The following ZSWIM6 variants were observed in gnomAD, a reference collection of about 807,000 sequenced individuals.
ZSWIM6 encodes zinc finger SWIM domain-containing protein 6.
ZSWIM6 carries 9 observed loss-of-function variants against 113.2 expected under a neutral mutation model. The observed-to-expected ratio is 0.08, with a 90% CI of 0.05 to 0.14. The LOEUF (loss-of-function observed/expected upper bound fraction) is 0.14. Ranked by LOEUF, ZSWIM6 falls within the 10% of genes least tolerant of loss-of-function variation. The pLI, the probability that ZSWIM6 is intolerant of heterozygous loss-of-function variation, is 1.00. For synonymous variants in ZSWIM6, 611 were observed against 606.5 expected, an observed-to-expected ratio of 1.01 and a Z score of -0.11; for missense variants, 1,162 against 1,552.2, an observed-to-expected ratio of 0.75 and a Z score of 4.22.
intron 7 of ZSWIM6, among the ~76,000 whole-genome samples, chr5:61,526,821 T>A (rs1311468280): frequency 6.6e-6 from 1 of 152,186 alleles, no homozygotes; most frequent in Non-Finnish European, 1.5e-5. Context: ...GTCTCTGTGA[T>A]TTTGAATTCT....
intron 1 of ZSWIM6, among the ~76,000 whole-genome samples, chr5:61,411,592 C>T (rs937077805): frequency 2.0e-5 from 3 of 152,174 alleles, no homozygotes; most frequent in Non-Finnish European, 4.4e-5. Flanking sequence ...ACAAAAATAC[C>T]TTTAACCAGT....
intron 1 of ZSWIM6, among the ~76,000 whole-genome samples, chr5:61,342,865 A>C (rs1324429593): frequency 6.6e-6 from 1 of 152,126 alleles, no homozygotes; most frequent in Non-Finnish European, 1.5e-5. Context: ...TAATCTCCAG[A>C]ACTCTAAAAT....
chr5:61,484,723 G>C (rs1289137271), intron 2 of ZSWIM6, among the ~76,000 whole-genome samples: 1 of 152,156 alleles, frequency 6.6e-6, no homozygotes, highest in Non-Finnish European at 1.5e-5. Flanking sequence ...AGAGAGGCAT[G>C]CTAACAAATG....
chr5:61,464,933 A>G (rs912148723), intron 1 of ZSWIM6, among the ~76,000 whole-genome samples: 1 of 152,228 alleles, frequency 6.6e-6, no homozygotes, highest in Admixed American at 6.5e-5. Flanking sequence ...AATAAACTTC[A>G]TCTGCACTTC....
chr5:61,479,706 A>C (rs1191260398), intron 2 of ZSWIM6, among the ~76,000 whole-genome samples: 117 of 152,180 alleles, frequency 7.7e-4, no homozygotes, highest in Non-Finnish European at 1.3e-4. Context: ...TTTGCTTTCC[A>C]GCTTTGTTAA....
intron 1 of ZSWIM6, among the ~76,000 whole-genome samples, chr5:61,461,983 T>A (rs573381894): frequency 1.3e-5 from 2 of 152,312 alleles, no homozygotes; most frequent in African/African-American, 4.8e-5. Flanking sequence ...ACCTCACTGT[T>A]CTTAAAGCGT....
intron 1 of ZSWIM6, among the ~76,000 whole-genome samples, chr5:61,408,735 T>C (rs1228325952): frequency 6.6e-6 from 1 of 152,274 alleles, no homozygotes; most frequent in Non-Finnish European, 1.5e-5. Context: ...CTCAGGAGTC[T>C]GGCTGCCAGC....
chr5:61,492,151 A>G (rs1321330899), intron 3 of ZSWIM6, among the ~76,000 whole-genome samples: 3 of 152,090 alleles, frequency 2.0e-5, no homozygotes, highest in Non-Finnish European at 4.4e-5. Flanking sequence ...TAAAGTGTTT[A>G]TTTTCATTGC....
Position 61,490,818 on chromosome 5 carries a change from G to A in ZSWIM6, c.1066G>A (p.Asp356Asn), listed in dbSNP as rs1243294136. ...TGATCCAACAGCAGGTGCTAGTATA[G>A]ATGATGAAAACTGCTGGCACTTAGA... ...APDPTAGASI[D>N]DENCWHLDEE... Residue 356 changes from aspartate to asparagine, a missense_variant, in exon 3 of 14, where the codon GAT (aspartate) becomes AAT (asparagine). Transcript: ENST00000252744. 6.5e-7 allele frequency: 1 copy of A among 1,547,040 alleles called. No homozygotes were observed.
At chr5:61,452,100 G>T (rs1747097604) in intron 1 of ZSWIM6, among the ~76,000 whole-genome samples, 1 of 152,088 alleles carries the variant, frequency 6.6e-6, no homozygotes. Context: ...ACCCACTGCA[G>T]AAATTATCCT....
At chr5:61,443,737 C>T (rs559590691) in intron 1 of ZSWIM6, among the ~76,000 whole-genome samples, 33 of 152,104 alleles carry the variant, frequency 2.2e-4, no homozygotes, top group Non-Finnish European at 4.6e-4. Flanking sequence ...CAGCATGAGG[C>T]CAACCACATC....
At chr5:61,423,040 CTTCTT>C (rs1414322812) in intron 1 of ZSWIM6, among the ~76,000 whole-genome samples, 2 of 152,154 alleles carry the variant, frequency 1.3e-5, no homozygotes, top group East Asian at 1.9e-4. Flanking sequence ...TGCCGTTTCT[CTTCTT>C]TTCTTTTCTT....
chr5:61,498,048 G>T (rs1748369725), intron 4 of ZSWIM6, among the ~76,000 whole-genome samples: 1 of 152,048 alleles, frequency 6.6e-6, no homozygotes, highest in African/African-American at 2.4e-5. Flanking sequence ...TGTGTTGATG[G>T]CTCTCTTTTC....
rs1178528176 is a variant in ZSWIM6, at chr5:61,365,187, A to G, written c.676+32239A>G. Among the ~76,000 whole-genome samples the G allele has an allele frequency of 2.0e-5, 3 of 152,120 alleles. No individual in the cohort carries two copies. The East Asian group carries it at 5.8e-4, about 29-fold the overall frequency. ...GCCAACACGGTGAAACCCCGTCTCT[A>G]CTAAAAATACAAAAATTAGCCAGAT... On this transcript the variant is annotated intron_variant, in intron 1 of 13. Transcript: ENST00000252744.
chr5:61,533,736 G>T (rs776867672), intron 9 of ZSWIM6, among the ~76,000 whole-genome samples: 8 of 152,186 alleles, frequency 5.3e-5, no homozygotes, highest in Admixed American at 2.6e-4. Context: ...CTATAGATTT[G>T]CTATAATTAG....
intron 1 of ZSWIM6, among the ~76,000 whole-genome samples, chr5:61,333,989 C>T (rs1355662576): frequency 6.6e-6 from 1 of 152,234 alleles, no homozygotes; most frequent in Non-Finnish European, 1.5e-5. Flanking sequence ...CACGACCCAG[C>T]ACTTTGTTCT....
chr5:61,423,990 ACTGCC>A (rs1445115908), intron 1 of ZSWIM6, among the ~76,000 whole-genome samples: 1 of 152,032 alleles, frequency 6.6e-6, no homozygotes, highest in East Asian at 1.9e-4. Context: ...TGCCTGTGTT[ACTGCC>A]AGCAATTTGT....
chr5:61,442,264 T>G (rs1007619429), intron 1 of ZSWIM6, among the ~76,000 whole-genome samples: 1 of 152,032 alleles, frequency 6.6e-6, no homozygotes, highest in African/African-American at 2.4e-5. Context: ...ACTGGGAGGG[T>G]CAATTTCTGT....
intron 1 of ZSWIM6, among the ~76,000 whole-genome samples, chr5:61,430,056 G>A (rs1020748910): frequency 1.3e-5 from 2 of 152,314 alleles, no homozygotes; most frequent in African/African-American, 4.8e-5. Context: ...CTGTAGAAGG[G>A]TCAAGGAGAA....
Sources: gnomAD v4.1 joint callset for allele counts (sites outside exome capture counted in the v4.1 genomes callset) on GRCh38, gnomAD v4.1.1 for gene constraint, MANE v1.5 for transcripts, NCBI Gene and HGNC (gene_info 2026-07-23, HGNC 2026-07-21) for gene names.